AGBL1: variants seen among roughly 807,000 people sequenced by gnomAD.
AGBL1 encodes cytosolic carboxypeptidase 4.
A neutral mutation model predicts 118.9 loss-of-function variants in AGBL1; 130 were observed. The observed-to-expected ratio is 1.09, with a 90% CI of 0.95 to 1.26. AGBL1 has a LOEUF of 1.26. Ranked by LOEUF, AGBL1 falls within the 50% of genes most tolerant of loss-of-function variation. The pLI is 0.00. For missense variants in AGBL1, 1,584 were observed against 1,298.1 expected (o/e 1.22, Z -3.38); for synonymous variants, 555 against 478.9 (o/e 1.16, Z -2.08).
At chr15:86,721,662 T>C (rs548559873) in intron 22 of AGBL1, among the ~76,000 whole-genome samples, 79 of 152,306 alleles carry the variant, frequency 5.2e-4, no homozygotes, top group African/African-American at 1.8e-3. Context: ...CCAGGGCAAT[T>C]AGGCAGGAGA....
chr15:86,102,284 G>T (rs187529384), intron 1 of AGBL1, among the ~76,000 whole-genome samples: 1 of 152,002 alleles, frequency 6.6e-6, no homozygotes, highest in African/African-American at 2.4e-5. Flanking sequence ...CAAGTGACCC[G>T]CTCACCTCGG....
At position 86,909,974 on chromosome 15, in the gene AGBL1, G is replaced by T. The variant is rs1431840481; in HGVS notation, c.*2680G>T. 1 of 152,174 alleles carries T rather than the reference G, an allele frequency of 6.6e-6. No homozygotes were observed. Among genetic ancestry groups the T allele is most frequent in the Admixed American group, 6.5e-5 (1 of 15,270 alleles). 9.4% of individuals were successfully genotyped at this position (152,174 alleles called of 1,614,324 possible). A position where few individuals can be genotyped will look rare whatever the true frequency, so the allele number is the denominator to read the frequency against. ...ATGTATATTTAACCCCTAACTGTGG[G>T]TCATGCACTTTACTAAGCTCTACGG... On this transcript the variant is annotated 3_prime_UTR_variant, in exon 23 of 23. Coordinates refer to ENST00000614907, the MANE Select transcript of AGBL1 (RefSeq NM_001386094.1).
intron 22 of AGBL1, among the ~76,000 whole-genome samples, chr15:86,697,547 T>C (rs1251899983): frequency 7.9e-5 from 12 of 151,880 alleles, no homozygotes; most frequent in Non-Finnish European, 1.0e-4. Context: ...CACTTTTCTC[T>C]TGTGCCTCTT....
At chr15:86,518,820 A>G (rs913896004) in intron 18 of AGBL1, among the ~76,000 whole-genome samples, 5 of 151,858 alleles carry the variant, frequency 3.3e-5, no homozygotes, top group African/African-American at 7.3e-5. Flanking sequence ...AGGCAAGGTT[A>G]TCACATCTCT....
intron 5 of AGBL1, among the ~76,000 whole-genome samples, chr15:86,185,870 CGTT>C (rs1692792282): frequency 6.6e-6 from 1 of 152,022 alleles, no homozygotes; most frequent in South Asian, 2.1e-4. Context: ...CTAACCTGCA[CGTT>C]GTGCACATGT....
intron 21 of AGBL1, among the ~76,000 whole-genome samples, chr15:86,666,733 T>C (rs1257890709): frequency 6.6e-6 from 1 of 152,234 alleles, no homozygotes; most frequent in Non-Finnish European, 1.5e-5. Flanking sequence ...AATTTATATA[T>C]TAATTCACTG....
intron 24 of AGBL1, among the ~76,000 whole-genome samples, chr15:87,007,985 G>T (rs2081521595): frequency 2.0e-5 from 3 of 152,230 alleles, no homozygotes; most frequent in Non-Finnish European, 1.5e-5. Context: ...AGAAAATTTG[G>T]ATTATTCATT....
At chr15:86,574,046 A>G (rs2084047599) in intron 21 of AGBL1, among the ~76,000 whole-genome samples, 2 of 151,368 alleles carry the variant, frequency 1.3e-5, no homozygotes, top group Non-Finnish European at 2.9e-5. Flanking sequence ...TAAACAAACA[A>G]ACAAAAAAAA....
chr15:86,165,901 A>T (rs1259262334), intron 5 of AGBL1, among the ~76,000 whole-genome samples: 2 of 152,198 alleles, frequency 1.3e-5, no homozygotes, highest in Non-Finnish European at 2.9e-5. Context: ...CCAAGCCTGT[A>T]GCTGATGGGG....
chr15:86,800,352 GT>G (rs1324970232), intron 22 of AGBL1, among the ~76,000 whole-genome samples: 2 of 151,996 alleles, frequency 1.3e-5, no homozygotes, highest in Non-Finnish European at 2.9e-5. Flanking sequence ...TTGTATTTGT[GT>G]TTTTGTATTT....
intron 21 of AGBL1, among the ~76,000 whole-genome samples, chr15:86,647,770 T>C (rs1284268977): frequency 1.3e-5 from 2 of 152,144 alleles, no homozygotes; most frequent in Non-Finnish European, 2.9e-5. Context: ...TCATATAGAT[T>C]ACTAGAAGGT....
chr15:86,881,399 T>G (rs1338172473), intron 22 of AGBL1, among the ~76,000 whole-genome samples: 1 of 152,184 alleles, frequency 6.6e-6, no homozygotes, highest in Non-Finnish European at 1.5e-5. Context: ...TCTGTCATTT[T>G]AGTTTGGAAA....
At chr15:86,741,788 C>G (rs1053325776) in intron 22 of AGBL1, among the ~76,000 whole-genome samples, 1 of 151,900 alleles carries the variant, frequency 6.6e-6, no homozygotes, top group East Asian at 1.9e-4. Context: ...TTTTTAACCT[C>G]TCCTTGTTTT....
At chr15:86,664,873 A>G (rs773713754) in intron 21 of AGBL1, among the ~76,000 whole-genome samples, 3 of 152,062 alleles carry the variant, frequency 2.0e-5, no homozygotes, top group Non-Finnish European at 4.4e-5. Context: ...CTTAATTCAG[A>G]TACACTTTTT....
chr15:86,176,306 G>A (rs1453518566), intron 5 of AGBL1, among the ~76,000 whole-genome samples: 2 of 152,114 alleles, frequency 1.3e-5, no homozygotes, highest in African/African-American at 4.8e-5. Flanking sequence ...GGTGGCAGTG[G>A]TGAGGACAGG....
At chr15:86,813,444 C>A (rs1388150976) in intron 22 of AGBL1, among the ~76,000 whole-genome samples, 3 of 152,194 alleles carry the variant, frequency 2.0e-5, no homozygotes, top group African/African-American at 7.2e-5. Context: ...TTCTCTTCTG[C>A]CTTCCTTTTA....
intron 18 of AGBL1, 40 bp from the exon 19 acceptor site, chr15:86,522,770 T>A: frequency 6.2e-7 from 1 of 1,601,166 alleles, no homozygotes; most frequent in Non-Finnish European, 8.5e-7. Flanking sequence ...GTTATTTTCT[T>A]CTGAATGTGT....
intron 21 of AGBL1, among the ~76,000 whole-genome samples, chr15:86,584,149 T>C (rs1234183936): frequency 6.6e-6 from 1 of 152,122 alleles, no homozygotes; most frequent in African/African-American, 2.4e-5. Context: ...GTTGACTCTT[T>C]TGATAGTTTC....
In AGBL1 at chr15:86,674,416, T is replaced by G. The variant is rs2142550311; in HGVS notation, c.3138T>G (p.Ala1046=). The G allele has an allele frequency of 6.2e-7, 1 of 1,609,750 alleles. No homozygotes were observed. Among genetic ancestry groups the G allele is most frequent in the South Asian group, 1.1e-5 (1 of 90,930 alleles). The change falls in exon 22 of 23, where the codon GCT becomes GCG. Residue 1046 remains alanine, a synonymous_variant. Transcript: ENST00000614907. ...AATLLSAEED[A]LDQHLQRCSS... is the part of the protein sequence containing the mutation. ...CTCTGCTGAGTGCTGAGGAGGACGC[T>G]CTGGACCAGCACCTCCAACGGTAAG... is the stretch of plus-strand genomic sequence containing the variant.
Sources: gnomAD v4.1 joint callset for allele counts (sites outside exome capture counted in the v4.1 genomes callset) on GRCh38, gnomAD v4.1.1 for gene constraint, MANE v1.5 for transcripts, NCBI Gene and HGNC (gene_info 2026-07-23, HGNC 2026-07-21) for gene names.